CNTN5: variants seen among roughly 807,000 people sequenced by gnomAD.
The protein encoded by CNTN5 is contactin 5, also known as contactin-5.
Under a neutral mutation model 129.1 loss-of-function variants are expected in CNTN5, and 77 were observed. The observed-to-expected ratio is 0.60, with a 90% CI of 0.50 to 0.72. The LOEUF (loss-of-function observed/expected upper bound fraction) is 0.72, where lower values mean the gene tolerates loss of function less well. Ranked by LOEUF, CNTN5 falls within the 30% of genes least tolerant of loss-of-function variation. The pLI is 0.00. For missense variants in CNTN5, 1,478 were observed against 1,328.8 expected, an observed-to-expected ratio of 1.11 and a Z score of -1.75; for synonymous variants, 509 against 465.6, an observed-to-expected ratio of 1.09 and a Z score of -1.20.
intron 7 of CNTN5, among the ~76,000 whole-genome samples, chr11:99,936,382 A>T (rs913568743): frequency 6.6e-6 from 1 of 152,174 alleles, no homozygotes; most frequent in African/African-American, 2.4e-5. Flanking sequence ...TTCAGACTAT[A>T]ATAGGAACTG....
intron 9 of CNTN5, 110 bp downstream of exon 9, chr11:100,002,246 T>G: frequency 3.2e-6 from 2 of 631,282 alleles, no homozygotes; most frequent in Non-Finnish European, 5.1e-6. Flanking sequence ...TGTTCCATGG[T>G]GGCTATTTAT....
chr11:100,180,389 T>C (rs1346985390), intron 13 of CNTN5, among the ~76,000 whole-genome samples: 1 of 151,940 alleles, frequency 6.6e-6, no homozygotes, highest in East Asian at 1.9e-4. Flanking sequence ...AAAATGGTGC[T>C]AGAGTGATTT....
intron 2 of CNTN5, among the ~76,000 whole-genome samples, chr11:99,474,120 C>G (rs1267179067): frequency 6.6e-6 from 1 of 151,940 alleles, no homozygotes; most frequent in Non-Finnish European, 1.5e-5. Context: ...TATCTCCAGT[C>G]TATAATATGC....
chr11:99,831,206 A>AAT (rs1947127982), intron 4 of CNTN5, among the ~76,000 whole-genome samples: 1 of 152,166 alleles, frequency 6.6e-6, no homozygotes, highest in Admixed American at 6.6e-5. Flanking sequence ...ATGAAAAATA[A>AAT]ATTTGTTTAT....
intron 6 of CNTN5, among the ~76,000 whole-genome samples, chr11:99,911,492 TC>T (rs1317277692): frequency 3.9e-5 from 6 of 152,068 alleles, no homozygotes; most frequent in African/African-American, 1.4e-4. Context: ...TATTCTCCTG[TC>T]TTGAGCCTTT....
intron 2 of CNTN5, among the ~76,000 whole-genome samples, chr11:99,513,427 G>A (rs1432283850): frequency 6.6e-6 from 1 of 152,120 alleles, no homozygotes; most frequent in African/African-American, 2.4e-5. Flanking sequence ...TTTTGATGTA[G>A]ACAAAGAGCC....
chr11:99,383,536 C>G (rs920764739), intron 2 of CNTN5, among the ~76,000 whole-genome samples: 6 of 151,296 alleles, frequency 4.0e-5, no homozygotes, highest in Non-Finnish European at 7.4e-5. Context: ...ATTAAAGGGA[C>G]TCGATACCTG....
intron 9 of CNTN5, among the ~76,000 whole-genome samples, chr11:100,050,676 T>C (rs1187415002): frequency 1.3e-5 from 2 of 151,846 alleles, no homozygotes; most frequent in Admixed American, 6.6e-5. Flanking sequence ...TATAATATAC[T>C]ATCTGCAAGA....
At chr11:99,673,951 A>G in intron 3 of CNTN5, among the ~76,000 whole-genome samples, 1 of 152,236 alleles carries the variant, frequency 6.6e-6, no homozygotes, top group Middle Eastern at 3.4e-3. Context: ...AGAACAATTT[A>G]TATTCCTTTG....
intron 13 of CNTN5, among the ~76,000 whole-genome samples, chr11:100,081,972 G>C (rs1193187136): frequency 2.0e-5 from 3 of 152,158 alleles, no homozygotes; most frequent in Admixed American, 6.6e-5. Context: ...GGCAAAAATA[G>C]GCCTATAGAC....
At chr11:99,895,974 G>C (rs976604391) in intron 6 of CNTN5, among the ~76,000 whole-genome samples, 2 of 152,162 alleles carry the variant, frequency 1.3e-5, no homozygotes, top group Non-Finnish European at 2.9e-5. Flanking sequence ...TAGTAGGTGG[G>C]ACTCACTGGC....
intron 1 of CNTN5, among the ~76,000 whole-genome samples, chr11:99,250,889 A>G (rs1381883537): frequency 6.6e-6 from 1 of 151,952 alleles, no homozygotes; most frequent in African/African-American, 2.4e-5. Flanking sequence ...TAATGTGCAC[A>G]GTGTGGTCTG....
intron 3 of CNTN5, among the ~76,000 whole-genome samples, chr11:99,804,230 A>C (rs1471534105): frequency 1.3e-5 from 2 of 152,058 alleles, no homozygotes; most frequent in Admixed American, 6.5e-5. Flanking sequence ...TATTTGGAAA[A>C]AGTTACTTGA....
At chr11:100,207,735 G>T (rs1948945943) in intron 15 of CNTN5, among the ~76,000 whole-genome samples, 1 of 152,048 alleles carries the variant, frequency 6.6e-6, no homozygotes, top group African/African-American at 2.4e-5. Flanking sequence ...CAAAATAAGG[G>T]ACCCTGTGAC....
At chr11:99,454,938 C>T (rs911602745) in intron 2 of CNTN5, among the ~76,000 whole-genome samples, 2 of 151,952 alleles carry the variant, frequency 1.3e-5, no homozygotes, top group African/African-American at 4.8e-5. Flanking sequence ...GAGTAGTAAG[C>T]ATTGAGCCAA....
At chr11:99,219,475 G>C in intron 1 of CNTN5, among the ~76,000 whole-genome samples, 1 of 151,774 alleles carries the variant, frequency 6.6e-6, no homozygotes, top group East Asian at 1.9e-4. Flanking sequence ...AGGCAGAGCT[G>C]AGAACCATAC....
chr11:99,523,683 A>T (rs1195068943), intron 2 of CNTN5, among the ~76,000 whole-genome samples: 2 of 80,022 alleles, frequency 2.5e-5, no homozygotes, highest in South Asian at 5.6e-4. Context: ...ACAGAACAGA[A>T]CAGAACAGAA....
At chr11:99,873,186 T>G (rs994056517) in intron 6 of CNTN5, among the ~76,000 whole-genome samples, 1 of 152,020 alleles carries the variant, frequency 6.6e-6, no homozygotes, top group African/African-American at 2.4e-5. Flanking sequence ...CATAACCATG[T>G]TCCTGAATTT....
chr11:99,688,243 TG>T (rs1953878875), intron 3 of CNTN5, among the ~76,000 whole-genome samples: 1 of 152,204 alleles, frequency 6.6e-6, no homozygotes, highest in Non-Finnish European at 1.5e-5. Flanking sequence ...CATCTTGCTA[TG>T]TTGCCCAGGC....
Sources: allele counts gnomAD v4.1 joint callset (sites outside exome capture counted in the v4.1 genomes callset), GRCh38; gene constraint gnomAD v4.1.1; transcripts MANE v1.5; gene names NCBI Gene and HGNC (gene_info 2026-07-23, HGNC 2026-07-21).